PCM1: variants seen among roughly 807,000 people sequenced by gnomAD.
PCM1 encodes pericentriolar material 1 protein.
In PCM1, 157 loss-of-function variants were observed where a neutral mutation model predicts 241.9. That is an observed-to-expected ratio of 0.65 (90% confidence interval 0.57 to 0.74). The LOEUF (loss-of-function observed/expected upper bound fraction) is 0.74. Ranked by LOEUF, PCM1 falls within the 30% of genes least tolerant of loss-of-function variation. The pLI, the probability that PCM1 is intolerant of heterozygous loss-of-function variation, is 0.00. For synonymous variants in PCM1, 1,085 were observed against 784.9 expected (o/e 1.38, Z -6.39); for missense variants, 3,478 against 2,360.1 (o/e 1.47, Z -9.81).
chr8:17,998,607 A>G (rs1435336969), intron 29 of PCM1, among the ~76,000 whole-genome samples: 1 of 152,182 alleles, frequency 6.6e-6, no homozygotes, highest in East Asian at 1.9e-4. Context: ...GTGCTGGGTC[A>G]TACCTAAAGC....
intron 11 of PCM1, 77 bp from the exon 12 acceptor site, chr8:17,957,187 T>C: frequency 8.7e-7 from 1 of 1,144,598 alleles, no homozygotes; most frequent in Middle Eastern, 2.5e-4. Context: ...TGTTATTTTA[T>C]TAGCAGTTCT....
At chr8:18,018,467 T>C (rs2093431025) in intron 36 of PCM1, among the ~76,000 whole-genome samples, 3 of 152,222 alleles carry the variant, frequency 2.0e-5, no homozygotes, top group Non-Finnish European at 2.9e-5. Flanking sequence ...CCAAGGGCTT[T>C]ACCCAGTTAT....
chr8:18,016,874 G>A (rs2093270128), intron 36 of PCM1, among the ~76,000 whole-genome samples: 1 of 152,182 alleles, frequency 6.6e-6, no homozygotes, highest in African/African-American at 2.4e-5. Context: ...TCTGGCTCCT[G>A]TAAGTACTTT....
At chr8:17,942,841 C>T (rs554239462) in intron 6 of PCM1, among the ~76,000 whole-genome samples, 6 of 151,668 alleles carry the variant, frequency 4.0e-5, no homozygotes, top group African/African-American at 1.2e-4. Context: ...TAAAAATACA[C>T]GAAAAATTAG....
intron 1 of PCM1, among the ~76,000 whole-genome samples, 178 bp downstream of exon 1, chr8:17,923,366 G>T (rs1473438843): frequency 1.3e-5 from 2 of 152,320 alleles, no homozygotes; most frequent in African/African-American, 4.8e-5. Flanking sequence ...CAGTCCGCCC[G>T]CTCCCTCAGG....
intron 5 of PCM1, among the ~76,000 whole-genome samples, chr8:17,939,233 G>T (rs769541311): frequency 1.3e-5 from 2 of 152,142 alleles, no homozygotes; most frequent in African/African-American, 4.8e-5. Context: ...AAAGGCTTCT[G>T]TTTATTTACA....
intron 15 of PCM1, 97 bp from the exon 16 acceptor site, chr8:17,961,937 C>T: frequency 1.0e-6 from 1 of 963,254 alleles, no homozygotes; most frequent in Middle Eastern, 2.2e-4. Flanking sequence ...TTAAATATGG[C>T]ACTAGAGCCT....
At chr8:17,994,280 T>C (rs916938343) in intron 29 of PCM1, among the ~76,000 whole-genome samples, 12 of 152,324 alleles carry the variant, frequency 7.9e-5, no homozygotes, top group Admixed American at 2.6e-4. Context: ...TGAGAACATA[T>C]GAAGTTTGTC....
At chr8:17,953,323 A>T in intron 9 of PCM1, 137 bp downstream of exon 9, 1 of 455,118 alleles carries the variant, frequency 2.2e-6, no homozygotes, top group Non-Finnish European at 3.8e-6. Context: ...TGCATATGAA[A>T]AGTTTCTAAG....
At chr8:17,939,170 G>A (rs965891686) in intron 5 of PCM1, among the ~76,000 whole-genome samples, 161 bp downstream of exon 5, 1 of 152,122 alleles carries the variant, frequency 6.6e-6, no homozygotes, top group African/African-American at 2.4e-5. Flanking sequence ...TTAAAATAGA[G>A]TAAATTTCTG....
rs1423071794 is a variant in PCM1 at position 17,965,967 on chromosome 8, A to G, written c.2856-32A>G. On this transcript the variant is annotated intron_variant, in intron 18 of 38. Coordinates refer to ENST00000325083, the MANE Select transcript of PCM1 (RefSeq NM_006197.4). Reference sequence around the variant, plus strand: ...TATTTTAAAAACCAAATTATTATGTATGATGACTTAATGCTTTCAATCTTG... The same window carrying G: ...TATTTTAAAAACCAAATTATTATGTGTGATGACTTAATGCTTTCAATCTTG... 7.9e-6 allele frequency: 12 copies of G among 1,517,586 alleles called. No individual in the cohort carries two copies. In the East Asian group the frequency reaches 1.8e-4, roughly 23 times the overall value. 94.0% of individuals were successfully genotyped at this position (1,517,586 alleles called of 1,614,324 possible). A position where few individuals can be genotyped will look rare whatever the true frequency, so the allele number is the denominator to read the frequency against.
intron 26 of PCM1, among the ~76,000 whole-genome samples, chr8:17,987,781 T>G (rs2083104231): frequency 6.6e-6 from 1 of 151,878 alleles, no homozygotes; most frequent in South Asian, 2.1e-4. Context: ...ATGGAATTGT[T>G]TTATGTCTGC....
Position 18,009,756 on chromosome 8 carries a change from T to TGACA in PCM1, c.5160+12_5160+13insGACA, listed in dbSNP as rs1564358484. The TGACA allele has an allele frequency of 7.2e-7, 1 of 1,397,968 alleles. No homozygotes were observed. The highest frequency in any genetic ancestry group is 2.5e-5 in the East Asian group (1 of 40,428). The allele number at this position is 1,397,968 out of a possible 1,614,324, so 86.6% of individuals were successfully genotyped here. On this transcript the variant is annotated intron_variant, in intron 31 of 38. Coordinates refer to ENST00000325083, the MANE Select transcript of PCM1 (RefSeq NM_006197.4). ...CTTGTGCCAAAGAGGTAAATAACGT[T>TGACA]CATTTTGATTTTTAGGATAATTGAC...
chr8:17,932,337 C>G (rs946472036), intron 2 of PCM1, among the ~76,000 whole-genome samples: 8 of 152,010 alleles, frequency 5.3e-5, no homozygotes, highest in Admixed American at 1.3e-4. Context: ...AGTTTTAGTT[C>G]TTGATACAGT....
Position 17,964,621 on chromosome 8 carries a change from A to G in PCM1, c.2708A>G (p.Asp903Gly), listed in dbSNP as rs202143633. 31 of 1,613,940 alleles carry G rather than the reference A, an allele frequency of 1.9e-5. No homozygotes were observed. The African/African-American group carries it at 3.3e-4, about 17-fold the overall frequency. The change falls in exon 18 of 39, where the codon GAT (aspartate) becomes GGT (glycine). Residue 903 changes from aspartate to glycine, a missense_variant. By Grantham distance (94) the Asp-to-Gly change is moderately conservative. Coordinates refer to ENST00000325083, the MANE Select transcript of PCM1 (RefSeq NM_006197.4). ...STQCALDEEG[D>G]EDGYLSEGIV... ...CAGTGTGCACTAGATGAAGAAGGAG[A>G]TGAAGACGGTTACCTTTCTGAAGGA... is the stretch of plus-strand genomic sequence containing the variant.
Position 18,014,803 on chromosome 8 carries a change from G to A in PCM1, c.5804G>A (p.Ser1935Asn). 3 of 1,604,268 alleles carry A rather than the reference G, an allele frequency of 1.9e-6. No individual in the cohort carries two copies. Among genetic ancestry groups the A allele is most frequent in the Non-Finnish European group, 2.5e-6 (3 of 1,178,272 alleles). ...QETPESSLAG[S>N]PDTESPVLVN... The stretch of plus-strand genomic sequence containing the variant: ...ACTCCTGAAAGCTCTCTGGCTGGAA[G>A]TCCTGATACTGAATCTCCAGTGTTA... The change falls in exon 36 of 39, where the codon AGT (serine) becomes AAT (asparagine). Residue 1935 changes from serine (S) to asparagine (N), a missense_variant. By Grantham distance (46) the Ser-to-Asn change is conservative. Coordinates refer to ENST00000325083, the MANE Select transcript of PCM1 (RefSeq NM_006197.4).
intron 6 of PCM1, 124 bp downstream of exon 6, chr8:17,939,985 T>C: frequency 7.9e-7 from 1 of 1,269,876 alleles, no homozygotes; most frequent in Non-Finnish European, 1.1e-6. Context: ...CCATCCATTA[T>C]AACAATTTAT....
Position 17,985,940 on chromosome 8 carries a change from A to G in PCM1, c.4282-19A>G, listed in dbSNP as rs1225662741. The G allele has an allele frequency of 7.0e-7, 1 of 1,438,216 alleles. No individual in the cohort carries two copies. Among genetic ancestry groups the G allele is most frequent in the South Asian group, 1.3e-5 (1 of 75,852 alleles). The allele number at this position is 1,438,216 out of a possible 1,614,324, so 89.1% of individuals were successfully genotyped here. On this transcript the variant is annotated intron_variant, in intron 25 of 38. Coordinates refer to ENST00000325083, the MANE Select transcript of PCM1 (RefSeq NM_006197.4). ...GCATGTATGTTTTATATAAATGATG[A>G]TCTTATTTTCTTATTTAGGACATAG...
chr8:17,936,103 T>C (rs1176670806), intron 3 of PCM1, among the ~76,000 whole-genome samples: 1 of 152,214 alleles, frequency 6.6e-6, no homozygotes, highest in Non-Finnish European at 1.5e-5. Context: ...CCATGTGATA[T>C]ACTGTGGCTG....
Sources: allele counts gnomAD v4.1 joint callset (sites outside exome capture counted in the v4.1 genomes callset), GRCh38; gene constraint gnomAD v4.1.1; transcripts MANE v1.5; gene names NCBI Gene and HGNC (gene_info 2026-07-23, HGNC 2026-07-21).